The following XYLT1 variants were observed in gnomAD, a reference collection of about 807,000 sequenced individuals.
XYLT1 encodes beta-D-xylosyltransferase 1.
XYLT1 carries 36 observed loss-of-function variants against 91.3 expected under a neutral mutation model. The observed-to-expected ratio is 0.39, with a 90% CI of 0.30 to 0.52. XYLT1 has a LOEUF of 0.52. Ranked by LOEUF, XYLT1 falls within the 20% of genes least tolerant of loss-of-function variation. The probability of loss-of-function intolerance (pLI) is 0.68; values close to 1 mark genes in which losing one functional copy is unlikely to be tolerated. For synonymous variants in XYLT1, 588 were observed against 532.0 expected (o/e 1.11, Z -1.45); for missense variants, 1,242 against 1,284.5 (o/e 0.97, Z 0.51).
intron 2 of XYLT1, among the ~76,000 whole-genome samples, chr16:17,321,764 C>G (rs1429171559): frequency 6.6e-6 from 1 of 152,024 alleles, no homozygotes; most frequent in Non-Finnish European, 1.5e-5. Flanking sequence ...GGATGGGGTG[C>G]TATTGGAATC....
intron 6 of XYLT1, among the ~76,000 whole-genome samples, chr16:17,152,391 G>A (rs146979588): frequency 3.3e-5 from 5 of 152,314 alleles, no homozygotes; most frequent in Admixed American, 6.5e-5. Context: ...AGTCATGAAC[G>A]CATCGGTTGG....
intron 1 of XYLT1, among the ~76,000 whole-genome samples, chr16:17,397,824 GCTCT>G (rs1358671405): frequency 7.1e-6 from 1 of 140,608 alleles, no homozygotes; most frequent in Non-Finnish European, 1.5e-5. Context: ...AGTTTGAATA[GCTCT>G]TTTTTTTTTT....
chr16:17,190,549 G>T (rs767782168), intron 5 of XYLT1, among the ~76,000 whole-genome samples: 2 of 150,368 alleles, frequency 1.3e-5, no homozygotes, highest in Non-Finnish European at 2.9e-5. Flanking sequence ...GTGGTGTTCG[G>T]TTTTTTGTCC....
Position 17,108,575 on chromosome 16 carries a change from C to T in XYLT1, c.*120G>A. On this transcript the variant is annotated 3_prime_UTR_variant, in exon 12 of 12. Transcript: ENST00000261381. ...CCTTCCCTTTCCATCATTCTATGGC[C>T]AGGAGAGACCCATTCACAGAGGGCC... 3 of 986,442 alleles carry T rather than the reference C, an allele frequency of 3.0e-6. No homozygotes were observed. The highest frequency in any genetic ancestry group is 4.3e-6 in the Non-Finnish European group (3 of 696,384). The allele number at this position is 986,442 out of a possible 1,614,324, so 61.1% of individuals were successfully genotyped here. A position where few individuals can be genotyped will look rare whatever the true frequency, so the allele number is the denominator to read the frequency against.
chr16:17,136,296 C>T (rs2030717547), intron 8 of XYLT1, among the ~76,000 whole-genome samples: 1 of 152,154 alleles, frequency 6.6e-6, no homozygotes, highest in South Asian at 2.1e-4. Context: ...CAAGCCCTTT[C>T]TACTGTATCA....
At chr16:17,155,294 C>T (rs978522192) in intron 6 of XYLT1, among the ~76,000 whole-genome samples, 1 of 152,102 alleles carries the variant, frequency 6.6e-6, no homozygotes, top group South Asian at 2.1e-4. Flanking sequence ...GCCAATAATC[C>T]CCACCCAGTG....
At chr16:17,159,014 C>T in intron 5 of XYLT1, 105 bp from the exon 6 acceptor site, 3 of 974,162 alleles carry the variant, frequency 3.1e-6, no homozygotes. Context: ...GAAGCACCTT[C>T]TCTGATCATT....
intron 1 of XYLT1, among the ~76,000 whole-genome samples, chr16:17,358,649 CA>C (rs1345783615): frequency 1.3e-5 from 2 of 152,050 alleles, no homozygotes; most frequent in African/African-American, 4.8e-5. Context: ...CACAAAACAA[CA>C]AAATGTAAAG....
At chr16:17,194,317 C>T (rs747043942) in intron 5 of XYLT1, 9 of 152,248 alleles carry the variant, frequency 5.9e-5, no homozygotes, top group Non-Finnish European at 1.2e-4. Context: ...CTCACCCTCC[C>T]GGGTGCTGAG....
intron 1 of XYLT1, among the ~76,000 whole-genome samples, chr16:17,409,261 C>A (rs1204164921): frequency 3.3e-5 from 5 of 152,112 alleles, no homozygotes; most frequent in Admixed American, 2.0e-4. Flanking sequence ...TTGAGAGAGG[C>A]CGGCAGTTTG....
intron 4 of XYLT1, 94 bp downstream of exon 4, chr16:17,200,388 C>T (rs2032516213): frequency 2.7e-6 from 4 of 1,476,864 alleles, no homozygotes; most frequent in Admixed American, 3.8e-5. Context: ...TGAAAGCAGG[C>T]AGTCTGGACT....
intron 2 of XYLT1, chr16:17,355,537 G>C (rs547083348): frequency 6.6e-6 from 1 of 152,284 alleles, no homozygotes; most frequent in African/African-American, 2.4e-5. Context: ...ACACATCTCT[G>C]ATAGGAAGTT....
At chr16:17,301,113 G>GA (rs71390598) in intron 2 of XYLT1, among the ~76,000 whole-genome samples, 27 of 149,880 alleles carry the variant, frequency 1.8e-4, no homozygotes, top group East Asian at 9.8e-4. Context: ...ATGTGTGTGA[G>GA]AAAAAAAAAA....
chr16:17,273,714 G>A (rs2033929747), intron 2 of XYLT1, among the ~76,000 whole-genome samples: 1 of 151,634 alleles, frequency 6.6e-6, no homozygotes, highest in African/African-American at 2.4e-5. Context: ...TGTAGTGGTG[G>A]GTGCCTGTAA....
intron 5 of XYLT1, among the ~76,000 whole-genome samples, chr16:17,197,046 T>G (rs2141585872): frequency 6.8e-6 from 1 of 147,836 alleles, no homozygotes; most frequent in African/African-American, 2.6e-5. Flanking sequence ...TATATACCGT[T>G]CAGAATATCA....
At chr16:17,413,551 C>A (rs1441235299) in intron 1 of XYLT1, among the ~76,000 whole-genome samples, 7 of 151,714 alleles carry the variant, frequency 4.6e-5, no homozygotes, top group African/African-American at 1.7e-4. Context: ...GTTCAATCAA[C>A]CTCAGTGTTC....
intron 5 of XYLT1, among the ~76,000 whole-genome samples, chr16:17,184,507 C>G (rs993919103): frequency 2.0e-5 from 3 of 151,320 alleles, no homozygotes; most frequent in African/African-American, 7.3e-5. Context: ...TACCCCATGG[C>G]ATCGATGTAA....
chr16:17,207,667 G>A (rs767624238), intron 3 of XYLT1, among the ~76,000 whole-genome samples: 3 of 152,160 alleles, frequency 2.0e-5, no homozygotes, highest in Admixed American at 6.5e-5. Flanking sequence ...GCTTTTGGGT[G>A]GTCTGTGGAC....
chr16:17,460,596 G>A (rs1490371237), intron 1 of XYLT1, among the ~76,000 whole-genome samples: 3 of 152,122 alleles, frequency 2.0e-5, no homozygotes, highest in East Asian at 3.9e-4. Context: ...CAGCCAAGAG[G>A]GGCCAGCCAG....
Sources: allele counts gnomAD v4.1 joint callset (sites outside exome capture counted in the v4.1 genomes callset), GRCh38; gene constraint gnomAD v4.1.1; transcripts MANE v1.5; gene names NCBI Gene and HGNC (gene_info 2026-07-23, HGNC 2026-07-21).